The following C11orf97 variants were observed in gnomAD, a reference collection of about 807,000 sequenced individuals.
C11orf97 encodes chromosome 11 open reading frame 97, also known as uncharacterized protein C11orf97.
Under a neutral mutation model 16.2 loss-of-function variants are expected in C11orf97, and 15 were observed. The ratio of observed to expected loss-of-function variants is 0.93; its 90% CI spans 0.62 to 1.43. The LOEUF is 1.43. Ranked by LOEUF, C11orf97 falls within the 40% of genes most tolerant of loss-of-function variation. The probability of loss-of-function intolerance (pLI) is 0.00; values close to 1 mark genes in which losing one functional copy is unlikely to be tolerated. For synonymous variants in C11orf97, 61 were observed against 65.7 expected (o/e 0.93, Z 0.34); for missense variants, 171 against 161.2 (o/e 1.06, Z -0.33).
intron 1 of C11orf97, among the ~76,000 whole-genome samples, chr11:94,516,897 C>T (rs1022421797): frequency 3.9e-5 from 6 of 152,032 alleles, no homozygotes; most frequent in African/African-American, 1.2e-4. Context: ...AGAGGCTGAC[C>T]GGAGAGATTA....
rs758103149 is a variant in C11orf97, at chr11:94,512,532, A to G, written c.4A>G (p.Thr2Ala). Residue 2 changes from threonine to alanine, a missense_variant, in exon 1 of 4, where the codon ACA becomes GCA. Transcript: ENST00000542198. ...GCTCTCGGAAGACCGCTGCGGCATG[A>G]CAGGCGAGGAGGCGGTGGTGGTGAC... M[T>A]GEEAVVVTAV... 19 of 1,308,222 alleles carry G rather than the reference A, an allele frequency of 1.5e-5. No individual in the cohort carries two copies. Among genetic ancestry groups the G allele is most frequent in the Non-Finnish European group, 1.8e-5 (19 of 1,027,954 alleles). The allele number at this position is 1,308,222 out of a possible 1,614,324, so 81.0% of individuals were successfully genotyped here.
intron 3 of C11orf97, among the ~76,000 whole-genome samples, chr11:94,529,571 C>T (rs1947723353): frequency 6.6e-6 from 1 of 152,176 alleles, no homozygotes; most frequent in African/African-American, 2.4e-5. Context: ...GGTAAGAAAA[C>T]TGAGGCATAG....
rs556394352 is a variant in C11orf97 at position 94,527,044 on chromosome 11, G to A, written c.251-1040G>A. Among the ~76,000 whole-genome samples, 114 of 152,228 alleles carry A rather than the reference G, an allele frequency of 7.5e-4. 3 individuals carry two copies. The highest frequency in any genetic ancestry group is 2.6e-3 in the African/African-American group (108 of 41,526). On this transcript the variant is annotated intron_variant, in intron 2 of 3. Coordinates refer to ENST00000542198, the MANE Select transcript of C11orf97 (RefSeq NM_001190462.2). ...ACTTTACAGCCATCTCATCTAAATC[G>A]TACAATAATCCTTCAAGTAGATATT...
At position 94,512,616 on chromosome 11, in the gene C11orf97, C is replaced by T. The variant is rs1947578290; in HGVS notation, c.88C>T (p.Leu30=). Residue 30 remains leucine, a synonymous_variant, in exon 1 of 4, where the codon CTG becomes TTG. Transcript: ENST00000542198. ...GGAGCAGCCTCCTCCGCCAGCAGGG[C>T]TGGGGTGCGGGGCGCGCGGGGAACC... ...EEEQPPPPAG[L]GCGARGEPGR... is the part of the protein sequence containing the mutation. The T allele has an allele frequency of 5.5e-6, 7 of 1,267,156 alleles. No homozygotes were observed. The highest frequency in any genetic ancestry group is 3.0e-4 in the Middle Eastern group (1 of 3,324). The allele number at this position is 1,267,156 out of a possible 1,614,324, so 78.5% of individuals were successfully genotyped here. A position where few individuals can be genotyped will look rare whatever the true frequency, so the allele number is the denominator to read the frequency against.
At position 94,517,590 on chromosome 11, in the gene C11orf97, AT is replaced by A; in HGVS notation, c.158del (p.Leu53TyrfsTer49). ...PLEHGQQWKKFLYCEPHKRIK... is the reference protein window; with the variant it reads ...PLEHGQQWKKXLYCEPHKRIK... The stretch of plus-strand genomic sequence containing the variant: ...TTGTTAATGCCTTTATAGGGAAGAA[AT>A]TTTTATATTGTGAGCCACATAAGAG... On this transcript the variant is annotated frameshift_variant, in exon 2 of 4. Coordinates refer to ENST00000542198, the MANE Select transcript of C11orf97 (RefSeq NM_001190462.2). LOFTEE classifies it high-confidence loss of function. The A allele has an allele frequency of 2.0e-6, 3 of 1,524,678 alleles. No homozygotes were observed. Among genetic ancestry groups the A allele is most frequent in the Non-Finnish European group, 2.6e-6 (3 of 1,141,864 alleles). The allele number at this position is 1,524,678 out of a possible 1,614,324, so 94.4% of individuals were successfully genotyped here. A position where few individuals can be genotyped will look rare whatever the true frequency, so the allele number is the denominator to read the frequency against.
intron 2 of C11orf97, among the ~76,000 whole-genome samples, chr11:94,523,498 T>C (rs1366538831): frequency 6.6e-6 from 1 of 152,208 alleles, no homozygotes; most frequent in African/African-American, 2.4e-5. Context: ...ATTGAACTTA[T>C]TGAAGAGTCT....
At chr11:94,517,392 G>A (rs963924595) in intron 1 of C11orf97, among the ~76,000 whole-genome samples, 191 bp from the exon 2 acceptor site, 22 of 152,214 alleles carry the variant, frequency 1.4e-4, no homozygotes, top group Admixed American at 9.2e-4. Context: ...ACATGAAAAC[G>A]TGAAGTCCCA....
At chr11:94,522,890 G>A (rs1263482352) in intron 2 of C11orf97, among the ~76,000 whole-genome samples, 7 of 152,210 alleles carry the variant, frequency 4.6e-5, no homozygotes, top group Middle Eastern at 3.4e-3. Context: ...GATGGAGCAC[G>A]GAGGATAAAG....
intron 1 of C11orf97, among the ~76,000 whole-genome samples, chr11:94,514,322 T>G (rs1947592656): frequency 6.6e-6 from 1 of 152,048 alleles, no homozygotes; most frequent in Admixed American, 6.5e-5. Flanking sequence ...GCTCACAAAG[T>G]TGGGGTGGGA....
chr11:94,514,041 C>T (rs1947589285), intron 1 of C11orf97, among the ~76,000 whole-genome samples: 2 of 152,154 alleles, frequency 1.3e-5, no homozygotes, highest in Admixed American at 6.5e-5. Flanking sequence ...AACTCCTGGC[C>T]TCGAGTGATC....
intron 1 of C11orf97, 53 bp downstream of exon 1, chr11:94,512,726 A>G (rs1460104530): frequency 1.6e-6 from 2 of 1,233,510 alleles, no homozygotes; most frequent in African/African-American, 3.1e-5. Flanking sequence ...GTGGAGAACG[A>G]GTGACAGGGC....
chr11:94,513,546 C>T lies in C11orf97; in HGVS notation c.145+873C>T, dbSNP rs546361479. On this transcript the variant is annotated intron_variant, in intron 1 of 3. Coordinates refer to ENST00000542198, the MANE Select transcript of C11orf97 (RefSeq NM_001190462.2). The stretch of plus-strand genomic sequence containing the variant: ...GGGTTTCTCCAAGGTTCCTCTGCAC[C>T]GGGAGGCCCCAGGAGGGAGGGTTGG... Among the ~76,000 whole-genome samples, 8 of 152,262 alleles carry T rather than the reference C, an allele frequency of 5.3e-5. No individual in the cohort carries two copies. The South Asian group carries it at 1.2e-3, about 24-fold the overall frequency.
chr11:94,527,263 G>T (rs911404393), intron 2 of C11orf97, among the ~76,000 whole-genome samples: 6 of 152,174 alleles, frequency 3.9e-5, no homozygotes, highest in East Asian at 1.9e-4. Flanking sequence ...ATGCCAGTGG[G>T]CAGCCTTGGA....
intron 3 of C11orf97, among the ~76,000 whole-genome samples, chr11:94,531,340 G>A (rs376920994): frequency 1.3e-5 from 2 of 152,054 alleles, no homozygotes; most frequent in Middle Eastern, 3.2e-3. Context: ...TCAGGAGGCT[G>A]AAGAACCAGA....
chr11:94,528,151 G>A lies in C11orf97; in HGVS notation c.318G>A (p.Pro106=), dbSNP rs1404379219. 7.2e-6 allele frequency: 11 copies of A among 1,535,864 alleles called. No individual in the cohort carries two copies. Among genetic ancestry groups the A allele is most frequent in the African/African-American group, 2.7e-5 (2 of 73,024 alleles). Residue 106 remains proline (P), a synonymous_variant, in exon 3 of 4, where the codon CCG becomes CCA. Transcript: ENST00000542198. ...LPVGGLKPGL[P]SRNSLLPQAK... is the part of the protein sequence containing the mutation. ...TGGGAGGCTTGAAGCCAGGACTGCC[G>A]AGCAGAAACAGTTTATTGCCACAAG... is the stretch of plus-strand genomic sequence containing the variant.
chr11:94,531,383 G>T (rs761033440), intron 3 of C11orf97, among the ~76,000 whole-genome samples: 2 of 152,000 alleles, frequency 1.3e-5, no homozygotes, highest in African/African-American at 4.8e-5. Context: ...GGGTTGCAGC[G>T]ACCCAAGATT....
In C11orf97 at chr11:94,512,518, AC is replaced by A. The variant is rs1947576772; in HGVS notation, c.-9del. 2 of 1,294,218 alleles carry A rather than the reference AC, an allele frequency of 1.5e-6. No homozygotes were observed. Among genetic ancestry groups the A allele is most frequent in the Non-Finnish European group, 2.0e-6 (2 of 1,021,146 alleles). The allele number at this position is 1,294,218 out of a possible 1,614,324, so 80.2% of individuals were successfully genotyped here. A position where few individuals can be genotyped will look rare whatever the true frequency, so the allele number is the denominator to read the frequency against. On this transcript the variant is annotated 5_prime_UTR_variant, in exon 1 of 4. Transcript: ENST00000542198. ...AAACCGTGCCCAGGGCTCTCGGAAG[AC>A]CGCTGCGGCATGACAGGCGAGGAGG...
intron 1 of C11orf97, among the ~76,000 whole-genome samples, chr11:94,513,015 A>G (rs572905172): frequency 6.6e-6 from 1 of 152,124 alleles, no homozygotes; most frequent in Non-Finnish European, 1.5e-5. Flanking sequence ...GTATATGTGT[A>G]TGTATGTATG....
chr11:94,521,076 C>G lies in C11orf97; in HGVS notation c.250+3389C>G, dbSNP rs530039924. 1.8e-4 allele frequency among the ~76,000 whole-genome samples: 27 copies of G among 152,322 alleles called. No homozygotes were observed. The South Asian group carries it at 4.8e-3, about 27-fold the overall frequency. On this transcript the variant is annotated intron_variant, in intron 2 of 3. Transcript: ENST00000542198. ...GACATTTAAAGGTCACCCAGACATT[C>G]AGATATCTTCCTCTCTCTTCATTCA...
Sources: allele counts gnomAD v4.1 joint callset (sites outside exome capture counted in the v4.1 genomes callset), GRCh38; gene constraint gnomAD v4.1.1; transcripts MANE v1.5; gene names NCBI Gene and HGNC (gene_info 2026-07-23, HGNC 2026-07-21).